MRTFA: variants seen among roughly 807,000 people sequenced by gnomAD.
The protein encoded by MRTFA is myocardin related transcription factor A.
In MRTFA, 20 loss-of-function variants were observed where a neutral mutation model predicts 83.5. That is an observed-to-expected ratio of 0.24 (90% CI 0.17 to 0.35). The LOEUF (loss-of-function observed/expected upper bound fraction) is 0.35. Ranked by LOEUF, MRTFA falls within the 10% of genes least tolerant of loss-of-function variation. MRTFA has a pLI of 1.00. For synonymous variants in MRTFA, 659 were observed against 541.2 expected, an observed-to-expected ratio of 1.22 and a Z score of -3.02; for missense variants, 1,200 against 1,224.7, an observed-to-expected ratio of 0.98 and a Z score of 0.30.
intron 1 of MRTFA, among the ~76,000 whole-genome samples, chr22:40,617,587 CGTG>C (rs1156271982): frequency 6.6e-6 from 1 of 151,842 alleles, no homozygotes; most frequent in Non-Finnish European, 1.5e-5. Context: ...ATTAGCCAGG[CGTG>C]GTGGCGGGCG....
chr22:40,463,221 G>A lies in MRTFA; in HGVS notation c.307C>T (p.Pro103Ser), dbSNP rs1295739005. ...AATGCTGAGAGAGAGAGGCACTTAC[G>A]CGGCATGATCCCTTGGCTCACCAGT... Residue 103 changes from proline (P) to serine (S), a missense_variant and splice_region_variant, in exon 4 of 15, where the codon CCT (proline) becomes TCT (serine). Physicochemically the swap from Pro to Ser is moderately conservative, Grantham distance 74. Around this residue, in one of 2 missense-constraint regions of MRTFA, gnomAD observed 93 missense variants for 182.9 expected, o/e 0.51. Coordinates refer to ENST00000355630, the MANE Select transcript of MRTFA (RefSeq NM_020831.6). 3.1e-6 allele frequency: 5 copies of A among 1,613,596 alleles called. No individual in the cohort carries two copies. The highest frequency in any genetic ancestry group is 4.2e-6 in the Non-Finnish European group (5 of 1,179,712).
At chr22:40,447,700 T>A (rs1443213397) in intron 4 of MRTFA, among the ~76,000 whole-genome samples, 1 of 152,328 alleles carries the variant, frequency 6.6e-6, no homozygotes, top group African/African-American at 2.4e-5. Flanking sequence ...TTTTCCCCAA[T>A]AACCTCCACA....
At chr22:40,587,051 C>T in intron 2 of MRTFA, 1 of 469,754 alleles carries the variant, frequency 2.1e-6, no homozygotes. Context: ...ACATGATTTT[C>T]AGGTTTTCCA....
chr22:40,635,353 C>T (rs1296220287), intron 1 of MRTFA, among the ~76,000 whole-genome samples: 1 of 150,758 alleles, frequency 6.6e-6, no homozygotes, highest in African/African-American at 2.4e-5. Flanking sequence ...TAAGTCTTAA[C>T]GTTACAGGCT....
At chr22:40,464,397 T>C (rs2053778764) in intron 3 of MRTFA, among the ~76,000 whole-genome samples, 1 of 144,740 alleles carries the variant, frequency 6.9e-6, no homozygotes, top group Non-Finnish European at 1.5e-5. Flanking sequence ...CTACACAGAA[T>C]GACAATGGCA....
At chr22:40,548,793 G>A (rs1308260434) in intron 3 of MRTFA, among the ~76,000 whole-genome samples, 1 of 152,022 alleles carries the variant, frequency 6.6e-6, no homozygotes, top group Non-Finnish European at 1.5e-5. Flanking sequence ...GAACCTGGGA[G>A]GCGGAGGTTG....
At chr22:40,502,143 T>A (rs1602347108) in intron 3 of MRTFA, among the ~76,000 whole-genome samples, 1 of 134,594 alleles carries the variant, frequency 7.4e-6, no homozygotes, top group African/African-American at 2.8e-5. Context: ...ACGGGGCGGC[T>A]GGCCGGGCGG....
At chr22:40,574,437 A>ATT (rs1266659027) in intron 2 of MRTFA, among the ~76,000 whole-genome samples, 1 of 140,152 alleles carries the variant, frequency 7.1e-6, no homozygotes, top group South Asian at 2.3e-4. Context: ...TATTATTATT[A>ATT]TTATTTTTTT....
intron 3 of MRTFA, among the ~76,000 whole-genome samples, chr22:40,505,485 C>T (rs1033916286): frequency 3.3e-5 from 5 of 152,188 alleles, no homozygotes; most frequent in East Asian, 3.9e-4. Context: ...TTAAAGTGCC[C>T]GATACAAGAG....
intron 5 of MRTFA, among the ~76,000 whole-genome samples, chr22:40,435,242 A>G (rs571916236): frequency 2.6e-4 from 40 of 152,340 alleles, no homozygotes; most frequent in African/African-American, 8.9e-4. Flanking sequence ...ATCATTCCAT[A>G]TCCTTAAATG....
At chr22:40,438,291 G>A (rs141260319) in intron 4 of MRTFA, among the ~76,000 whole-genome samples, 2 of 152,322 alleles carry the variant, frequency 1.3e-5, no homozygotes, top group African/African-American at 4.8e-5. Flanking sequence ...ATATTCAGGT[G>A]TTGCTGTCAC....
At chr22:40,577,402 T>A (rs377023404) in intron 2 of MRTFA, among the ~76,000 whole-genome samples, 12 of 151,970 alleles carry the variant, frequency 7.9e-5, no homozygotes, top group African/African-American at 2.7e-4. Flanking sequence ...ATGTACATAA[T>A]AGACATTAAC....
intron 4 of MRTFA, among the ~76,000 whole-genome samples, chr22:40,445,527 G>GA (rs2053359857): frequency 6.6e-6 from 1 of 150,902 alleles, no homozygotes. Context: ...AAGCCAAGGG[G>GA]TTTTTTTTTG....
chr22:40,457,489 G>GGAAA (rs1294722062), intron 4 of MRTFA, among the ~76,000 whole-genome samples: 5 of 65,712 alleles, frequency 7.6e-5, no homozygotes, highest in Non-Finnish European at 1.8e-4. Context: ...AAAGAAAGAA[G>GGAAA]GAAAGAAAGA....
intron 1 of MRTFA, among the ~76,000 whole-genome samples, chr22:40,621,563 G>C (rs1398688162): frequency 3.9e-5 from 6 of 152,270 alleles, no homozygotes; most frequent in African/African-American, 1.4e-4. Context: ...TTCACAATAT[G>C]AATGTACTTA....
At chr22:40,595,205 C>T (rs533943011) in intron 1 of MRTFA, among the ~76,000 whole-genome samples, 16 of 150,940 alleles carry the variant, frequency 1.1e-4, no homozygotes, top group African/African-American at 3.4e-4. Context: ...CTGCAACCTC[C>T]GACTCCCAGG....
intron 3 of MRTFA, among the ~76,000 whole-genome samples, chr22:40,485,983 G>A (rs2054168669): frequency 6.6e-6 from 1 of 152,134 alleles, no homozygotes; most frequent in Non-Finnish European, 1.5e-5. Context: ...TTTCAACCTG[G>A]CAGGCCTTCG....
At chr22:40,544,634 T>G (rs2055336251) in intron 3 of MRTFA, among the ~76,000 whole-genome samples, 1 of 152,064 alleles carries the variant, frequency 6.6e-6, no homozygotes, top group Admixed American at 6.6e-5. Context: ...AAACTAGTAT[T>G]CCGGATATTT....
At chr22:40,609,400 G>A (rs767550296) in intron 1 of MRTFA, among the ~76,000 whole-genome samples, 13 of 148,712 alleles carry the variant, frequency 8.7e-5, no homozygotes, top group East Asian at 2.0e-4. Flanking sequence ...AGGATCACTC[G>A]AGCCCAGGAG....
Sources: allele counts gnomAD v4.1 joint callset (sites outside exome capture counted in the v4.1 genomes callset), GRCh38; gene constraint gnomAD v4.1.1; regional missense constraint gnomAD v4.1.1; transcripts MANE v1.5; gene names NCBI Gene and HGNC (gene_info 2026-07-23, HGNC 2026-07-21).